FAM118B: variants seen among roughly 807,000 people sequenced by gnomAD.
The protein encoded by FAM118B is SIR2 antiphage like 1, also known as protein FAM118B.
A neutral mutation model predicts 38.5 loss-of-function variants in FAM118B; 24 were observed. That is an observed-to-expected ratio of 0.62 (90% confidence interval 0.45 to 0.88). The LOEUF (loss-of-function observed/expected upper bound fraction) is 0.88, where lower values mean the gene tolerates loss of function less well. Ranked by LOEUF, FAM118B falls within the 40% of genes least tolerant of loss-of-function variation. The probability of loss-of-function intolerance (pLI) is 0.00; values close to 1 mark genes in which losing one functional copy is unlikely to be tolerated. For synonymous variants in FAM118B, 138 were observed against 156.3 expected (o/e 0.88, Z 0.87); for missense variants, 334 against 420.0 (o/e 0.80, Z 1.79).
At chr11:126,235,160 C>A in intron 3 of FAM118B, 73 bp downstream of exon 3, 3 of 1,208,916 alleles carry the variant, frequency 2.5e-6, no homozygotes, top group African/African-American at 1.5e-5. Context: ...CAACTTATAC[C>A]TTCTATATCA....
At chr11:126,260,289 T>C (rs528470086) in intron 7 of FAM118B, 36 of 152,264 alleles carry the variant, frequency 2.4e-4, no homozygotes, top group Admixed American at 2.0e-3. Context: ...CACCTCAGCT[T>C]CCCAAAGTTC....
intron 3 of FAM118B, among the ~76,000 whole-genome samples, chr11:126,238,007 T>G (rs972151327): frequency 6.6e-6 from 1 of 152,170 alleles, no homozygotes; most frequent in African/African-American, 2.4e-5. Context: ...TGTTGGGGGC[T>G]TTCCTCAGAT....
intron 1 of FAM118B, among the ~76,000 whole-genome samples, chr11:126,220,915 A>G (rs1950055275): frequency 6.6e-6 from 1 of 151,446 alleles, no homozygotes; most frequent in African/African-American, 2.4e-5. Flanking sequence ...GGCCGGGCGC[A>G]GTGGCTCATG....
At chr11:126,260,890 C>G (rs1358816068) in intron 7 of FAM118B, 1 of 153,514 alleles carries the variant, frequency 6.5e-6, no homozygotes, top group Non-Finnish European at 1.5e-5. Context: ...TGTCTAGTAT[C>G]ATAGTTAGGA....
At chr11:126,220,327 T>A (rs77696460) in intron 1 of FAM118B, among the ~76,000 whole-genome samples, 1 of 152,188 alleles carries the variant, frequency 6.6e-6, no homozygotes, top group African/African-American at 2.4e-5. Flanking sequence ...TGAAAGTATG[T>A]TTTTAGTCTC....
At chr11:126,251,583 A>G (rs1950504462) in intron 5 of FAM118B, among the ~76,000 whole-genome samples, 1 of 152,182 alleles carries the variant, frequency 6.6e-6, no homozygotes, top group African/African-American at 2.4e-5. Context: ...CATATTCTGT[A>G]TGGTCAGCTC....
chr11:126,225,219 C>T (rs977593612), intron 1 of FAM118B, among the ~76,000 whole-genome samples: 2 of 152,194 alleles, frequency 1.3e-5, no homozygotes, highest in Admixed American at 6.5e-5. Context: ...TTGTTTCTTT[C>T]GAGCTCAGTA....
In FAM118B at chr11:126,235,160, C is replaced by G. The variant is rs537881866; in HGVS notation, c.86+73C>G. ...AGAAAGAAAAATAGCCAACTTATAC[C>G]TTCTATATCAGTTGTTTTCACTAAT... On this transcript the variant is annotated intron_variant, in intron 3 of 8. Coordinates refer to ENST00000533050, the MANE Select transcript of FAM118B (RefSeq NM_024556.4). The G allele has an allele frequency of 2.5e-6, 3 of 1,208,916 alleles. No homozygotes were observed. In the African/African-American group the frequency reaches 4.5e-5, roughly 18 times the overall value. The allele number at this position is 1,208,916 out of a possible 1,614,324, so 74.9% of individuals were successfully genotyped here. A position where few individuals can be genotyped will look rare whatever the true frequency, so the allele number is the denominator to read the frequency against.
intron 1 of FAM118B, among the ~76,000 whole-genome samples, chr11:126,215,816 C>T (rs531084379): frequency 6.6e-6 from 1 of 151,954 alleles, no homozygotes; most frequent in Admixed American, 6.6e-5. Context: ...TTGAGATCGC[C>T]TGGGCAACAT....
intron 1 of FAM118B, among the ~76,000 whole-genome samples, chr11:126,212,270 G>A (rs1232675322): frequency 2.6e-5 from 4 of 152,218 alleles, no homozygotes; most frequent in Non-Finnish European, 5.9e-5. Context: ...TACTTAGGAA[G>A]CACTGTGAGT....
chr11:126,216,540 T>C (rs1949981266), intron 1 of FAM118B, among the ~76,000 whole-genome samples: 1 of 152,234 alleles, frequency 6.6e-6, no homozygotes, highest in Non-Finnish European at 1.5e-5. Flanking sequence ...AAACCAGTTT[T>C]ACCATATGGT....
intron 2 of FAM118B, among the ~76,000 whole-genome samples, chr11:126,234,190 T>A (rs1480040696): frequency 6.6e-6 from 1 of 152,218 alleles, no homozygotes; most frequent in Non-Finnish European, 1.5e-5. Flanking sequence ...CCCCAAACGG[T>A]GGTAGTATGT....
intron 1 of FAM118B, 138 bp downstream of exon 1, chr11:126,211,968 C>G: frequency 3.4e-6 from 1 of 292,180 alleles, no homozygotes; most frequent in Non-Finnish European, 6.5e-6. Flanking sequence ...CACGATCCCA[C>G]TCAAAAACTC....
chr11:126,246,230 AC>A (rs1333804971), intron 4 of FAM118B, among the ~76,000 whole-genome samples: 1 of 152,106 alleles, frequency 6.6e-6, no homozygotes, highest in African/African-American at 2.4e-5. Flanking sequence ...TACTTTTCTG[AC>A]TTTTGTGTGT....
chr11:126,228,806 G>A (rs545767506), intron 1 of FAM118B, among the ~76,000 whole-genome samples: 6 of 152,140 alleles, frequency 3.9e-5, no homozygotes, highest in Admixed American at 2.0e-4. Flanking sequence ...TGATCCACCC[G>A]CCTTGGCCCC....
chr11:126,236,632 T>C (rs1256059590), intron 3 of FAM118B, among the ~76,000 whole-genome samples: 2 of 152,214 alleles, frequency 1.3e-5, no homozygotes, highest in Non-Finnish European at 1.5e-5. Context: ...TTTGGAGAAG[T>C]TGACTTATAT....
intron 4 of FAM118B, among the ~76,000 whole-genome samples, chr11:126,245,953 G>A (rs1189737957): frequency 2.7e-5 from 4 of 149,404 alleles, no homozygotes; most frequent in South Asian, 2.1e-4. Context: ...CCGAGATAGC[G>A]CCATTGCACT....
intron 1 of FAM118B, among the ~76,000 whole-genome samples, 197 bp from the exon 2 acceptor site, chr11:126,229,028 A>G (rs1950177314): frequency 6.6e-6 from 1 of 152,238 alleles, no homozygotes; most frequent in Non-Finnish European, 1.5e-5. Context: ...TTTTTGTAGT[A>G]GAAATTCAAT....
At position 126,250,598 on chromosome 11, in the gene FAM118B, G is replaced by A. The variant is rs780942511; in HGVS notation, c.432G>A (p.Gln144=). The stretch of plus-strand genomic sequence containing the variant: ...CAAAGATGGAAGATTCTGGAAAACA[G>A]CTACTTCAGTCAGTTCTCCACCTGA... ...LESKMEDSGK[Q]LLQSVLHLME... Residue 144 remains glutamine, a synonymous_variant, in exon 5 of 9, where the codon CAG becomes CAA. Transcript: ENST00000533050. The surrounding 1 kb of genome is among the most constrained non-coding windows in gnomAD (Gnocchi z 5.1). 1.9e-6 allele frequency: 3 copies of A among 1,613,860 alleles called. No homozygotes were observed. The African/African-American group carries it at 4.0e-5, about 22-fold the overall frequency.
Sources: gnomAD v4.1 joint callset for allele counts (sites outside exome capture counted in the v4.1 genomes callset) on GRCh38, gnomAD v4.1.1 for gene constraint, Gnocchi (gnomAD v3.1) non-coding constraint, MANE v1.5 for transcripts, NCBI Gene and HGNC (gene_info 2026-07-23, HGNC 2026-07-21) for gene names.